FBXO40: variants seen among roughly 807,000 people sequenced by gnomAD.
The protein encoded by FBXO40 is F-box only protein 40.
A neutral mutation model predicts 49.9 loss-of-function variants in FBXO40; 50 were observed. That is an observed-to-expected ratio of 1.00 (90% CI 0.80 to 1.27). The LOEUF (loss-of-function observed/expected upper bound fraction) is 1.27, where lower values mean the gene tolerates loss of function less well. Among genes scored for constraint, FBXO40 ranks in the 50% most tolerant of loss-of-function variants. FBXO40 has a pLI of 0.00. For missense variants in FBXO40, 895 were observed against 870.1 expected (o/e 1.03, Z -0.36); for synonymous variants, 340 against 320.2 (o/e 1.06, Z -0.66).
intron 2 of FBXO40, among the ~76,000 whole-genome samples, chr3:121,620,782 A>C (rs2049025886): frequency 6.6e-6 from 1 of 152,216 alleles, no homozygotes; most frequent in African/African-American, 2.4e-5. Context: ...TTTTTGAGCA[A>C]AGAGTTTAAG....
rs904817973 is a variant in FBXO40 at position 121,621,771 on chromosome 3, C to T, written c.342C>T (p.Asn114=). ...ACTCTGAAACCACCCTTCATGAAAA[C>T]ATCATGAAAGAGACCCCCAGTGAGG... is the stretch of plus-strand genomic sequence containing the variant. ...NVDSETTLHE[N]IMKETPSEEC... Residue 114 remains asparagine (N), a synonymous_variant, in exon 3 of 4, where the codon AAC becomes AAT. Transcript: ENST00000338040. The T allele has an allele frequency of 9.9e-6, 16 of 1,614,104 alleles. No homozygotes were observed. Among genetic ancestry groups the T allele is most frequent in the Non-Finnish European group, 1.3e-5 (15 of 1,180,050 alleles).
chr3:121,622,682 G>T lies in FBXO40; in HGVS notation c.1253G>T (p.Ser418Ile), dbSNP rs755024056. Residue 418 changes from serine to isoleucine, a missense_variant, in exon 3 of 4, where the codon AGC (serine) becomes ATC (isoleucine). Coordinates refer to ENST00000338040, the MANE Select transcript of FBXO40 (RefSeq NM_016298.4). The part of the protein sequence containing the change: ...LKGHVISESR[S>I]IDGLFMDFAT... ...GGCCACGTCATCTCTGAATCCAGAA[G>T]CATTGATGGACTGTTCATGGATTTT... is the stretch of plus-strand genomic sequence containing the variant. 6.2e-7 allele frequency: 1 copy of T among 1,614,200 alleles called. No homozygotes were observed. Among genetic ancestry groups the T allele is most frequent in the Non-Finnish European group, 8.5e-7 (1 of 1,180,036 alleles).
chr3:121,623,049 C>G lies in FBXO40; in HGVS notation c.1620C>G (p.Leu540=). 6.2e-7 allele frequency: 1 copy of G among 1,614,230 alleles called. No homozygotes were observed. The highest frequency in any genetic ancestry group is 8.5e-7 in the Non-Finnish European group (1 of 1,180,050). Residue 540 remains leucine (L), a synonymous_variant, in exon 3 of 4, where the codon CTC becomes CTG. Transcript: ENST00000338040. Reference sequence around the variant, plus strand: ...CAAAAGTAATCTATAGCCAGGAGCTCAAGACCTTTGCCATTAAGCCGGAGG... The same window carrying G: ...CAAAAGTAATCTATAGCCAGGAGCTGAAGACCTTTGCCATTAAGCCGGAGG... ...QKAKVIYSQE[L]KTFAIKPEVA...
Position 121,621,066 on chromosome 3 carries a change from T to C in FBXO40, c.4-367T>C, listed in dbSNP as rs562302093. On this transcript the variant is annotated intron_variant, in intron 2 of 3. Transcript: ENST00000338040. ...ACTAATAAAACAATCTAGTTTCATG[T>C]TCTAATAGCAAGATAAAAAGCAGGA... Among the ~76,000 whole-genome samples, 5 of 152,338 alleles carry C rather than the reference T, an allele frequency of 3.3e-5. No homozygotes were observed. The East Asian group carries it at 7.7e-4, about 23-fold the overall frequency.
intron 3 of FBXO40, among the ~76,000 whole-genome samples, chr3:121,625,132 A>G (rs996997927): frequency 6.6e-6 from 1 of 152,208 alleles, no homozygotes; most frequent in African/African-American, 2.4e-5. Context: ...CTTCAGAAAT[A>G]CCTTGTTCCT....
chr3:121,613,109 T>C (rs1216268129), intron 1 of FBXO40, among the ~76,000 whole-genome samples: 2 of 151,032 alleles, frequency 1.3e-5, no homozygotes, highest in Non-Finnish European at 2.9e-5. Context: ...GCCCATCCAG[T>C]TTAAACCTTC....
At chr3:121,603,452 A>G (rs2048911526) in intron 1 of FBXO40, among the ~76,000 whole-genome samples, 1 of 152,222 alleles carries the variant, frequency 6.6e-6, no homozygotes. Context: ...GTTATCGATG[A>G]CCATCAATCC....
intron 1 of FBXO40, among the ~76,000 whole-genome samples, chr3:121,606,931 C>A (rs1308003577): frequency 1.3e-5 from 2 of 152,168 alleles, no homozygotes; most frequent in Non-Finnish European, 2.9e-5. Context: ...ACTTTGCAAT[C>A]TTTCAGGTAA....
chr3:121,613,248 C>T (rs1160574684), intron 1 of FBXO40, among the ~76,000 whole-genome samples: 1 of 152,054 alleles, frequency 6.6e-6, no homozygotes, highest in Non-Finnish European at 1.5e-5. Context: ...CAGCCGAGCT[C>T]CACTGAAAGG....
intron 1 of FBXO40, among the ~76,000 whole-genome samples, chr3:121,609,956 T>C (rs533559145): frequency 1.1e-4 from 16 of 152,332 alleles, no homozygotes; most frequent in African/African-American, 3.8e-4. Context: ...TCCAGAGCAA[T>C]GGCTAATTGT....
chr3:121,627,838 G>C lies in FBXO40; in HGVS notation c.*928G>C, dbSNP rs1003769959. 3 of 398,726 alleles carry C rather than the reference G, an allele frequency of 7.5e-6. No individual in the cohort carries two copies. Among genetic ancestry groups the C allele is most frequent in the Admixed American group, 4.4e-5 (1 of 22,744 alleles). The allele number at this position is 398,726 out of a possible 1,614,324, so 24.7% of individuals were successfully genotyped here. A position where few individuals can be genotyped will look rare whatever the true frequency, so the allele number is the denominator to read the frequency against. ...ATGCCAGAATGCACAGGGCAGCCCA[G>C]GGAGATCACACCTTTGGCAAAGTCC... On this transcript the variant is annotated 3_prime_UTR_variant, in exon 4 of 4. Coordinates refer to ENST00000338040, the MANE Select transcript of FBXO40 (RefSeq NM_016298.4).
At chr3:121,609,529 G>T (rs2048953375) in intron 1 of FBXO40, among the ~76,000 whole-genome samples, 2 of 152,100 alleles carry the variant, frequency 1.3e-5, no homozygotes, top group South Asian at 2.1e-4. Context: ...GAGGTTGAAT[G>T]AGTATCAGGA....
chr3:121,622,874 T>A lies in FBXO40; in HGVS notation c.1445T>A (p.Phe482Tyr), dbSNP rs2049041503. 6.2e-7 allele frequency: 1 copy of A among 1,614,140 alleles called. No homozygotes were observed. The highest frequency in any genetic ancestry group is 1.3e-5 in the African/African-American group (1 of 75,042). Residue 482 changes from phenylalanine to tyrosine, a missense_variant, in exon 3 of 4, where the codon TTC (phenylalanine) becomes TAC (tyrosine). Coordinates refer to ENST00000338040, the MANE Select transcript of FBXO40 (RefSeq NM_016298.4). The part of the protein sequence containing the change: ...SSAFTFTCNK[F>Y]FRRDEFPLHF... ...GCCTTCACTTTCACTTGCAACAAAT[T>A]CTTCAGGAGGGATGAGTTCCCCCTG... is the stretch of plus-strand genomic sequence containing the variant.
rs549148828 is a variant in FBXO40 at position 121,611,270 on chromosome 3, T to A, written c.-30-9276T>A. On this transcript the variant is annotated intron_variant, in intron 1 of 3. Transcript: ENST00000338040. ...CCTGCACCGGCACCGGTCTCTGAGTTCCCTCAGTTTTTTCTGATTATTATC... is the reference window on the plus strand; with the variant it reads ...CCTGCACCGGCACCGGTCTCTGAGTACCCTCAGTTTTTTCTGATTATTATC... Among the ~76,000 whole-genome samples, 4 of 152,324 alleles carry A rather than the reference T, an allele frequency of 2.6e-5. No individual in the cohort carries two copies. In the South Asian group the frequency reaches 8.3e-4, roughly 32 times the overall value.
intron 3 of FBXO40, among the ~76,000 whole-genome samples, chr3:121,623,688 C>T (rs1453473708): frequency 1.1e-4 from 14 of 128,952 alleles, no homozygotes; most frequent in Non-Finnish European, 2.1e-4. Flanking sequence ...TTTTAAAGGC[C>T]TTTTTTTTTT....
chr3:121,608,969 C>T (rs1314034087), intron 1 of FBXO40, among the ~76,000 whole-genome samples: 1 of 152,200 alleles, frequency 6.6e-6, no homozygotes, highest in African/African-American at 2.4e-5. Flanking sequence ...GTCTGCTATT[C>T]TCATTCCAAT....
At chr3:121,625,689 G>T (rs888073529) in intron 3 of FBXO40, among the ~76,000 whole-genome samples, 1 of 152,120 alleles carries the variant, frequency 6.6e-6, no homozygotes, top group Non-Finnish European at 1.5e-5. Context: ...AATGATGACT[G>T]ACCACTCTCA....
In FBXO40 at chr3:121,620,572, C is replaced by G; in HGVS notation, c.-4C>G. On this transcript the variant is annotated 5_prime_UTR_variant, in exon 2 of 4. Transcript: ENST00000338040. ...GCTAAGAAGCAAGAAGAAATTGGGG[C>G]GCCATGGTAAGCACCAGGAGCTTAT... 6.2e-7 allele frequency: 1 copy of G among 1,614,060 alleles called. No individual in the cohort carries two copies. The highest frequency in any genetic ancestry group is 1.1e-5 in the South Asian group (1 of 91,080).
At chr3:121,620,523 T>C (rs1236743524) in intron 1 of FBXO40, 23 bp from the exon 2 acceptor site, 15 of 1,610,354 alleles carry the variant, frequency 9.3e-6, no homozygotes, top group Non-Finnish European at 1.3e-5. Flanking sequence ...TTACTAATTA[T>C]TTATATTCAT....
Sources: allele counts gnomAD v4.1 joint callset (sites outside exome capture counted in the v4.1 genomes callset), GRCh38; gene constraint gnomAD v4.1.1; transcripts MANE v1.5; gene names NCBI Gene and HGNC (gene_info 2026-07-23, HGNC 2026-07-21).